MTRF1: variants seen among roughly 807,000 people sequenced by gnomAD.
MTRF1 encodes the protein mitochondrial translation release factor 1.
In MTRF1, 51 loss-of-function variants were observed where a neutral mutation model predicts 62.9. That is an observed-to-expected ratio of 0.81 (90% CI 0.65 to 1.02). MTRF1 has a LOEUF of 1.02. Among genes scored for constraint, MTRF1 ranks in the 50% least tolerant of loss-of-function variants. The pLI is 0.00. For missense variants in MTRF1, 446 were observed against 530.0 expected (o/e 0.84, Z 1.56); for synonymous variants, 158 against 181.9 (o/e 0.87, Z 1.06).
At chr13:41,276,999 T>C in the MTRF1 span, among the ~76,000 whole-genome samples, 686 of 152,270 alleles carry the variant, frequency 4.5e-3, 3 homozygotes, top group Admixed American at 7.3e-3. Flanking sequence ...CAAGCACTTA[T>C]TGCATAACCA....
At chr13:41,306,175 G>T in the MTRF1 span, among the ~76,000 whole-genome samples, 1 of 152,178 alleles carries the variant, frequency 6.6e-6, no homozygotes, top group Non-Finnish European at 1.5e-5. Context: ...GAGGTCAGGA[G>T]ATCGAGACCA....
chr13:41,297,873 G>GT, the MTRF1 span, among the ~76,000 whole-genome samples: 1,682 of 152,188 alleles, frequency 0.011, 23 homozygotes, highest in South Asian at 0.027. Context: ...ACCATGCCAG[G>GT]TCTTTAATTC....
chr13:41,233,880 G>T lies in MTRF1; in HGVS notation c.988+10C>A, dbSNP rs2036022962. ...AGGGTTAAAAGTACAAAGCCAAGGG[G>T]CTTGCTTACCTGTGGGGATGTGGAC... On this transcript the variant is annotated intron_variant, in intron 7 of 9. Transcript: ENST00000379480. 3.1e-6 allele frequency: 5 copies of T among 1,592,482 alleles called. No individual in the cohort carries two copies. The highest frequency in any genetic ancestry group is 1.3e-5 in the African/African-American group (1 of 74,604).
At chr13:41,274,882 G>C in the MTRF1 span, among the ~76,000 whole-genome samples, 544 of 151,918 alleles carry the variant, frequency 3.6e-3, 2 homozygotes, top group African/African-American at 0.011. Flanking sequence ...CAAAGTGCTG[G>C]GATTACAGAC....
chr13:41,233,612 A>C (rs2035976440), intron 7 of MTRF1, among the ~76,000 whole-genome samples: 1 of 152,132 alleles, frequency 6.6e-6, no homozygotes, highest in Non-Finnish European at 1.5e-5. Flanking sequence ...TCTGTGTTTC[A>C]TCTGTATTTA....
Position 41,226,537 on chromosome 13 carries a change from T to G in MTRF1, c.1020A>C (p.Ser340=), listed in dbSNP as rs1159341112. The G allele has an allele frequency of 1.2e-6, 2 of 1,613,844 alleles. No individual in the cohort carries two copies. The highest frequency in any genetic ancestry group is 1.7e-6 in the Non-Finnish European group (2 of 1,179,990). ...AGGCTATTTCTTTATTTTTTATCTG[T>G]GATCTTTCTTGTTGGCATTCTACTA... is the stretch of plus-strand genomic sequence containing the variant. The part of the protein sequence containing the change: ...GLVVECQQER[S]QIKNKEIAFR... Residue 340 remains serine, a synonymous_variant, in exon 8 of 10, where the codon TCA becomes TCC. Coordinates refer to ENST00000379480, the MANE Select transcript of MTRF1 (RefSeq NM_004294.4).
intron 5 of MTRF1, among the ~76,000 whole-genome samples, chr13:41,242,999 T>G (rs2037732728): frequency 6.6e-6 from 1 of 151,964 alleles, no homozygotes; most frequent in South Asian, 2.1e-4. Flanking sequence ...GGCGGGCAGA[T>G]CACAAGGTCA....
the MTRF1 span, among the ~76,000 whole-genome samples, chr13:41,274,834 C>T: frequency 6.6e-6 from 1 of 151,982 alleles, no homozygotes; most frequent in East Asian, 1.9e-4. Context: ...CAGGGTTTCA[C>T]CATTTTGACC....
chr13:41,311,607 C>A, the MTRF1 span: 9 of 1,596,832 alleles, frequency 5.6e-6, no homozygotes, highest in Non-Finnish European at 7.7e-6. Flanking sequence ...GCCGCGCTGC[C>A]GCCCCCCGGT....
intron 9 of MTRF1, among the ~76,000 whole-genome samples, chr13:41,217,749 C>G (rs2032193796): frequency 6.6e-6 from 1 of 152,232 alleles, no homozygotes; most frequent in Non-Finnish European, 1.5e-5. Flanking sequence ...GCATTTTGTG[C>G]ATTAATGCAC....
chr13:41,221,092 C>CT (rs1439746422), intron 9 of MTRF1, among the ~76,000 whole-genome samples: 1 of 151,990 alleles, frequency 6.6e-6, no homozygotes, highest in Non-Finnish European at 1.5e-5. Flanking sequence ...AGCTGTTGCC[C>CT]TGGGGTTAAG....
intron 9 of MTRF1, among the ~76,000 whole-genome samples, chr13:41,222,587 G>A (rs1279456789): frequency 6.6e-6 from 1 of 152,190 alleles, no homozygotes; most frequent in Non-Finnish European, 1.5e-5. Context: ...CCCTTAAAAA[G>A]GCCCGAGTCA....
chr13:41,283,945 C>T, the MTRF1 span, among the ~76,000 whole-genome samples: 1 of 152,102 alleles, frequency 6.6e-6, no homozygotes, highest in African/African-American at 2.4e-5. Flanking sequence ...ATTGACATGC[C>T]TCCTGTTTTA....
chr13:41,282,824 T>G, the MTRF1 span, among the ~76,000 whole-genome samples: 1 of 152,224 alleles, frequency 6.6e-6, no homozygotes, highest in African/African-American at 2.4e-5. Flanking sequence ...TGCCTCAAAT[T>G]TTGATAGGGC....
chr13:41,233,294 G>C (rs1362854112), intron 7 of MTRF1, among the ~76,000 whole-genome samples: 1 of 152,162 alleles, frequency 6.6e-6, no homozygotes, highest in East Asian at 1.9e-4. Context: ...AGAGGAAGTA[G>C]GAAGAGGGTG....
At chr13:41,274,920 A>G in the MTRF1 span, among the ~76,000 whole-genome samples, 1 of 151,378 alleles carries the variant, frequency 6.6e-6, no homozygotes, top group Non-Finnish European at 1.5e-5. Context: ...GCCTATTATT[A>G]TTTTCATATC....
the MTRF1 span, among the ~76,000 whole-genome samples, chr13:41,312,037 A>G: frequency 6.6e-6 from 1 of 152,106 alleles, no homozygotes; most frequent in Admixed American, 6.5e-5. Flanking sequence ...ACACCCGCAT[A>G]CCTATTAAAG....
At chr13:41,269,199 G>GTTTTTT in the MTRF1 span, among the ~76,000 whole-genome samples, 16 of 68,674 alleles carry the variant, frequency 2.3e-4, no homozygotes, top group East Asian at 7.4e-4. Flanking sequence ...TTTTTTTTTG[G>GTTTTTT]TTTTTTTTTT....
Position 41,226,581 on chromosome 13 carries a change from A to G in MTRF1, c.989-13T>C, listed in dbSNP as rs560404496. 99 of 1,612,638 alleles carry G rather than the reference A, an allele frequency of 6.1e-5. No homozygotes were observed. The South Asian group carries it at 1.1e-3, about 17-fold the overall frequency. Reference sequence around the variant, plus strand: ...TCTACTACTAGCCCTGAAAAATAACAGGGATCAGAAGGTAAACTGTAGCTT... The same window carrying G: ...TCTACTACTAGCCCTGAAAAATAACGGGGATCAGAAGGTAAACTGTAGCTT... On this transcript the variant is annotated splice_polypyrimidine_tract_variant and intron_variant, in intron 7 of 9. Coordinates refer to ENST00000379480, the MANE Select transcript of MTRF1 (RefSeq NM_004294.4).
Sources: allele counts gnomAD v4.1 joint callset (sites outside exome capture counted in the v4.1 genomes callset), GRCh38; gene constraint gnomAD v4.1.1; transcripts MANE v1.5; gene names NCBI Gene and HGNC (gene_info 2026-07-23, HGNC 2026-07-21).